TRRAP: variants seen among roughly 807,000 people sequenced by gnomAD.
TRRAP encodes the protein transformation/transcription domain associated protein.
A neutral mutation model predicts 438.8 loss-of-function variants in TRRAP; 41 were observed. The ratio of observed to expected loss-of-function variants is 0.09; its 90% CI spans 0.07 to 0.12. The LOEUF (loss-of-function observed/expected upper bound fraction) is 0.12. Ranked by LOEUF, TRRAP falls within the 10% of genes least tolerant of loss-of-function variation. The pLI, the probability that TRRAP is intolerant of heterozygous loss-of-function variation, is 1.00. For synonymous variants in TRRAP, 1,994 were observed against 1,962.9 expected, an observed-to-expected ratio of 1.02 and a Z score of -0.42; for missense variants, 3,122 against 5,055.1, an observed-to-expected ratio of 0.62 and a Z score of 11.60.
Position 98,935,650 on chromosome 7 carries a change from C to A in TRRAP, c.4086C>A (p.Leu1362=). ...CCTGTTATAAAAGCCTTCCGTCACT[C>A]GTACCTTTACGAATTGCGGCATTAA... The part of the protein sequence containing the change: ...KLPCYKSLPS[L]VPLRIAALNA... Residue 1362 remains leucine (L), a synonymous_variant, in exon 28 of 73, where the codon CTC becomes CTA. Transcript: ENST00000456197. 1 of 1,599,316 alleles carries A rather than the reference C, an allele frequency of 6.3e-7. No homozygotes were observed. Among genetic ancestry groups the A allele is most frequent in the Non-Finnish European group, 8.6e-7 (1 of 1,168,146 alleles).
intron 43 of TRRAP, 124 bp from the exon 44 acceptor site, chr7:98,957,857 A>G (rs1554420208): frequency 2.6e-6 from 2 of 783,550 alleles, no homozygotes; most frequent in East Asian, 5.3e-5. Flanking sequence ...TGGTATCCCC[A>G]GCGCCCAGAG....
chr7:98,910,223 A>ACCCCCCCCCCC lies in TRRAP; in HGVS notation c.1520_1521insCCCCCCCCCCC (p.Pro511LeufsTer13). 7.8e-6 allele frequency: 2 copies of ACCCCCCCCCCC among 257,398 alleles called. No homozygotes were observed. Among genetic ancestry groups the ACCCCCCCCCCC allele is most frequent in the Admixed American group, 1.4e-4 (2 of 14,794 alleles). The allele number at this position is 257,398 out of a possible 1,614,324, so 15.9% of individuals were successfully genotyped here. On this transcript the variant is annotated frameshift_variant, in exon 15 of 73. Coordinates refer to ENST00000456197, the MANE Select transcript of TRRAP (RefSeq NM_001375524.1). LOFTEE classifies it high-confidence loss of function. ...CCTCCCCAGCCCCTGTCCCTGCCCC[A>ACCCCCCCCCCC]CCTCCACCCCCGCCCCCACCCCCAC...
Position 99,000,566 on chromosome 7 carries a change from C to T in TRRAP, c.10310-3624C>T, listed in dbSNP as rs189074210. Among the ~76,000 whole-genome samples, 4 of 152,368 alleles carry T rather than the reference C, an allele frequency of 2.6e-5. No individual in the cohort carries two copies. The East Asian group carries it at 7.7e-4, about 29-fold the overall frequency. ...TGCGCACTCCAGCCTTGGGGCCAGCCCTGGTCTGGGTTCAGCATGCCACTG... is the reference window on the plus strand; with the variant it reads ...TGCGCACTCCAGCCTTGGGGCCAGCTCTGGTCTGGGTTCAGCATGCCACTG... On this transcript the variant is annotated intron_variant, in intron 67 of 72. Coordinates refer to ENST00000456197, the MANE Select transcript of TRRAP (RefSeq NM_001375524.1).
chr7:98,933,420 C>T lies in TRRAP; in HGVS notation c.4014+18C>T, dbSNP rs377078772. On this transcript the variant is annotated intron_variant, in intron 27 of 72. Transcript: ENST00000456197. ...ACACAGAGGTAGGGGGGTGGTGGTG[C>T]GGAGTGGTGTGGATGGTGATGACGT... 265 of 1,608,212 alleles carry T rather than the reference C, an allele frequency of 1.6e-4. No individual in the cohort carries two copies. The African/African-American group carries it at 3.0e-3, about 18-fold the overall frequency.
At chr7:98,915,690 A>T (rs781904934) in intron 18 of TRRAP, 33 bp from the exon 19 acceptor site, 2 of 1,604,540 alleles carry the variant, frequency 1.2e-6, no homozygotes, top group African/African-American at 1.3e-5. Flanking sequence ...CCTCATTTAG[A>T]TGCCACTAAT....
intron 67 of TRRAP, among the ~76,000 whole-genome samples, chr7:99,003,140 G>A (rs897910017): frequency 3.9e-5 from 6 of 152,196 alleles, no homozygotes; most frequent in East Asian, 1.9e-4. Context: ...GGTTGGGTTC[G>A]TCCTGACCTC....
intron 20 of TRRAP, 60 bp downstream of exon 20, chr7:98,917,739 G>T: frequency 6.3e-7 from 1 of 1,578,658 alleles, no homozygotes; most frequent in South Asian, 1.2e-5. Context: ...GCCGTCATTG[G>T]GTTCTCTGTA....
At chr7:98,932,201 C>G (rs1308628583) in intron 26 of TRRAP, among the ~76,000 whole-genome samples, 1 of 152,030 alleles carries the variant, frequency 6.6e-6, no homozygotes, top group Non-Finnish European at 1.5e-5. Flanking sequence ...GCAAGCTCTG[C>G]CTCCCAGGTT....
chr7:98,881,283 A>G lies in TRRAP; in HGVS notation c.100+33A>G, dbSNP rs782450176. 6 of 1,565,948 alleles carry G rather than the reference A, an allele frequency of 3.8e-6. No homozygotes were observed. The Admixed American group carries it at 7.2e-5, about 19-fold the overall frequency. ...GATCCTTTTTATCATTAAGAAATGC[A>G]TAAATAAGGCCGGATGCGGTGGCTC... On this transcript the variant is annotated intron_variant, in intron 2 of 72. Coordinates refer to ENST00000456197, the MANE Select transcript of TRRAP (RefSeq NM_001375524.1).
chr7:98,937,692 C>T lies in TRRAP; in HGVS notation c.4276C>T (p.His1426Tyr), dbSNP rs782592160. ...CATAGAAGTCGATCAAATCCACACA[C>T]ATATGCGACCTTTGCTGATGATGCT... ...ATIEVDQIHT[H>Y]MRPLLMMLGD... Residue 1426 changes from histidine (H) to tyrosine (Y), a missense_variant, in exon 30 of 73, where the codon CAT (histidine) becomes TAT (tyrosine). By Grantham distance (83) the His-to-Tyr change is moderately conservative. Around this residue, in one of 24 missense-constraint regions of TRRAP, gnomAD observed 108 missense variants for 256.9 expected, o/e 0.42. Coordinates refer to ENST00000456197, the MANE Select transcript of TRRAP (RefSeq NM_001375524.1). 1 of 1,613,908 alleles carries T rather than the reference C, an allele frequency of 6.2e-7. No individual in the cohort carries two copies. Among genetic ancestry groups the T allele is most frequent in the Non-Finnish European group, 8.5e-7 (1 of 1,179,912 alleles).
chr7:98,902,722 T>C (rs2116362294), intron 11 of TRRAP, among the ~76,000 whole-genome samples: 1 of 152,186 alleles, frequency 6.6e-6, no homozygotes, highest in East Asian at 1.9e-4. Flanking sequence ...CTGAGTTGGC[T>C]CAAGTTGACT....
chr7:98,931,335 T>C, intron 25 of TRRAP, 70 bp from the exon 26 acceptor site: 1 of 1,569,604 alleles, frequency 6.4e-7, no homozygotes, highest in South Asian at 1.2e-5. Flanking sequence ...GGCAGACAGG[T>C]GTGCAGGAGA....
At chr7:98,879,216 C>A (rs1795308290) in intron 1 of TRRAP, among the ~76,000 whole-genome samples, 1 of 152,112 alleles carries the variant, frequency 6.6e-6, no homozygotes, top group Non-Finnish European at 1.5e-5. Context: ...GGGCCTTCGG[C>A]GTCCGGGGTG....
At chr7:99,000,001 G>GTTTT (rs1554429616) in intron 67 of TRRAP, 5 of 172,928 alleles carry the variant, frequency 2.9e-5, no homozygotes, top group African/African-American at 1.2e-4. Context: ...ATTTCAGTTT[G>GTTTT]TTTATTTATT....
chr7:98,999,188 C>T, intron 67 of TRRAP: 2 of 1,499,114 alleles, frequency 1.3e-6, no homozygotes, highest in South Asian at 1.1e-5. Flanking sequence ...TCAAAGCAGT[C>T]CTTCAGATAG....
chr7:98,959,080 G>C (rs889460514), intron 44 of TRRAP, among the ~76,000 whole-genome samples: 1 of 152,088 alleles, frequency 6.6e-6, no homozygotes, highest in Non-Finnish European at 1.5e-5. Context: ...TGTGCAGGGA[G>C]GTCCTGTGGG....
At chr7:98,966,036 T>C (rs1792136845) in intron 49 of TRRAP, 141 bp downstream of exon 49, 2 of 1,031,068 alleles carry the variant, frequency 1.9e-6, no homozygotes, top group East Asian at 5.2e-5. Context: ...TTAATTAAGA[T>C]GGATTTTTGT....
At chr7:98,999,944 A>C (rs1449828968) in intron 67 of TRRAP, 1 of 257,472 alleles carries the variant, frequency 3.9e-6, no homozygotes, top group East Asian at 9.6e-5. Context: ...TTTATGAGGA[A>C]TTGTTAATAA....
chr7:98,986,774 A>T (rs755469385), intron 62 of TRRAP, among the ~76,000 whole-genome samples: 3 of 152,150 alleles, frequency 2.0e-5, no homozygotes, highest in Non-Finnish European at 4.4e-5. Flanking sequence ...ACCATACCCT[A>T]ATCCAGGATC....
Sources: gnomAD v4.1 joint callset for allele counts (sites outside exome capture counted in the v4.1 genomes callset) on GRCh38, gnomAD v4.1.1 for gene constraint, gnomAD v4.1.1 regional missense constraint, MANE v1.5 for transcripts, NCBI Gene and HGNC (gene_info 2026-07-23, HGNC 2026-07-21) for gene names.